RNF157: variants seen among roughly 807,000 people sequenced by gnomAD.
RNF157 encodes E3 ubiquitin ligase RNF157.
RNF157 carries 55 observed loss-of-function variants against 88.3 expected under a neutral mutation model. The observed-to-expected ratio is 0.62, with a 90% CI of 0.50 to 0.78. The LOEUF is 0.78. Among genes scored for constraint, RNF157 ranks in the 30% least tolerant of loss-of-function variants. The pLI is 0.00. For missense variants in RNF157, 788 were observed against 860.8 expected (o/e 0.92, Z 1.06); for synonymous variants, 334 against 341.2 (o/e 0.98, Z 0.23).
chr17:76,199,594 A>G (rs766312263), intron 2 of RNF157, among the ~76,000 whole-genome samples: 27 of 145,198 alleles, frequency 1.9e-4, no homozygotes, highest in Non-Finnish European at 3.3e-4. Context: ...AAAAAAAAAG[A>G]ACAGCTGGCA....
rs576388489 is a variant in RNF157, at chr17:76,207,464, T to A, written c.207+4900A>T. ...ATTGGCTTTGATGGATTATCCTAAG[T>A]GGTAGATCTGTGGTGCGAAGTACAG... On this transcript the variant is annotated intron_variant, in intron 2 of 18. Transcript: ENST00000269391. 3.3e-5 allele frequency among the ~76,000 whole-genome samples: 5 copies of A among 152,166 alleles called. No homozygotes were observed. The East Asian group carries it at 9.6e-4, about 29-fold the overall frequency.
intron 2 of RNF157, among the ~76,000 whole-genome samples, chr17:76,196,265 G>A (rs1482873717): frequency 6.6e-6 from 1 of 152,168 alleles, no homozygotes; most frequent in African/African-American, 2.4e-5. Flanking sequence ...TGAGTGAAAG[G>A]AGCCAGACAT....
intron 2 of RNF157, among the ~76,000 whole-genome samples, chr17:76,199,871 C>T (rs969113985): frequency 3.9e-5 from 6 of 152,132 alleles, no homozygotes; most frequent in Admixed American, 3.3e-4. Context: ...GAATAAAGTG[C>T]TTTTTGTAAG....
chr17:76,148,260 C>CTT (rs2068615819), intron 18 of RNF157, among the ~76,000 whole-genome samples: 2 of 137,036 alleles, frequency 1.5e-5, no homozygotes, highest in African/African-American at 5.6e-5. Flanking sequence ...ATTATCTTTG[C>CTT]CTTTTTTTTT....
At chr17:76,226,089 C>A (rs191918826) in intron 1 of RNF157, 1 of 1,601,964 alleles carries the variant, frequency 6.2e-7, no homozygotes, top group African/African-American at 1.3e-5. Flanking sequence ...TTTGGAGAGC[C>A]CCTGGTAGAG....
Position 76,157,584 on chromosome 17 carries a change from C to T in RNF157, c.1413+809G>A, listed in dbSNP as rs758580108. The stretch of plus-strand genomic sequence containing the variant: ...TTCCATCTCTGACACAGCAATTTAT[C>T]GTCTCTGTTTTGGGCATACTTCTTT... On this transcript the variant is annotated intron_variant, in intron 13 of 18. Transcript: ENST00000269391. The surrounding 1 kb of genome is among the most constrained non-coding windows in gnomAD (Gnocchi z 5.6). 3.3e-5 allele frequency among the ~76,000 whole-genome samples: 5 copies of T among 152,226 alleles called. No homozygotes were observed. Among genetic ancestry groups the T allele is most frequent in the African/African-American group, 4.8e-5 (2 of 41,446 alleles).
chr17:76,209,371 A>G (rs956776882), intron 2 of RNF157, among the ~76,000 whole-genome samples: 8 of 152,192 alleles, frequency 5.3e-5, no homozygotes, highest in African/African-American at 1.9e-4. Flanking sequence ...GTTGAACCTA[A>G]AGCAGCATTT....
intron 1 of RNF157, among the ~76,000 whole-genome samples, chr17:76,228,214 TG>T (rs1347755422): frequency 6.6e-6 from 1 of 152,230 alleles, no homozygotes; most frequent in Non-Finnish European, 1.5e-5. Flanking sequence ...CAACACAGAC[TG>T]AACAACGGTA....
chr17:76,222,085 G>A (rs1447403291), intron 1 of RNF157, among the ~76,000 whole-genome samples: 4 of 152,202 alleles, frequency 2.6e-5, no homozygotes, highest in South Asian at 2.1e-4. Context: ...GAGGCCGGGC[G>A]CAGTGGCGCA....
At chr17:76,155,823 C>G (rs1187542108) in intron 14 of RNF157, 89 bp from the exon 15 acceptor site, 43 of 1,201,586 alleles carry the variant, frequency 3.6e-5, no homozygotes, top group Non-Finnish European at 4.7e-5. Flanking sequence ...TCCCTGCATT[C>G]AGGCATTGAG....
At chr17:76,191,280 G>A (rs2069380191) in intron 2 of RNF157, among the ~76,000 whole-genome samples, 2 of 151,588 alleles carry the variant, frequency 1.3e-5, no homozygotes, top group Admixed American at 6.6e-5. Context: ...GTTCAAGATC[G>A]GTTAGGGCAA....
At chr17:76,170,580 T>C (rs2068997984) in intron 3 of RNF157, among the ~76,000 whole-genome samples, 1 of 152,112 alleles carries the variant, frequency 6.6e-6, no homozygotes, top group Admixed American at 6.5e-5. Flanking sequence ...GGCTGTGTGG[T>C]ACAAGGGAGA....
chr17:76,204,957 G>A (rs570417094), intron 2 of RNF157, among the ~76,000 whole-genome samples: 2 of 151,336 alleles, frequency 1.3e-5, no homozygotes, highest in East Asian at 3.9e-4. Context: ...GCTAATTTTT[G>A]TATTTTTAGT....
chr17:76,226,344 C>A (rs563909207), intron 1 of RNF157: 3 of 1,599,930 alleles, frequency 1.9e-6, no homozygotes, highest in South Asian at 2.2e-5. Context: ...GTGAAGGGGG[C>A]AACCTGGTCG....
chr17:76,157,310 G>C lies in RNF157; in HGVS notation c.1414-989C>G, dbSNP rs1030675248. On this transcript the variant is annotated intron_variant, in intron 13 of 18. Coordinates refer to ENST00000269391, the MANE Select transcript of RNF157 (RefSeq NM_052916.3). The surrounding 1 kb of genome is among the most constrained non-coding windows in gnomAD (Gnocchi z 5.6). ...CCTGGGCTACTGAAACCCTCTCCTGGCTGGGTCTGTCTCCCGTCTAGTCCA... is the reference window on the plus strand; with the variant it reads ...CCTGGGCTACTGAAACCCTCTCCTGCCTGGGTCTGTCTCCCGTCTAGTCCA... 1.3e-5 allele frequency among the ~76,000 whole-genome samples: 2 copies of C among 152,210 alleles called. No homozygotes were observed. The highest frequency in any genetic ancestry group is 2.9e-5 in the Non-Finnish European group (2 of 68,042).
At chr17:76,233,590 C>T (rs916102977) in intron 1 of RNF157, among the ~76,000 whole-genome samples, 11 of 152,044 alleles carry the variant, frequency 7.2e-5, no homozygotes, top group African/African-American at 2.7e-4. Flanking sequence ...CAGGCTGAAG[C>T]GCAGTGGCAC....
At position 76,155,695 on chromosome 17, in the gene RNF157, A is replaced by G. The variant is rs1216982275; in HGVS notation, c.1565T>C (p.Met522Thr). Residue 522 changes from methionine (M) to threonine (T), a missense_variant, in exon 15 of 19, where the codon ATG (methionine) becomes ACG (threonine). Met to Thr is a moderately conservative substitution (Grantham distance 81). Coordinates refer to ENST00000269391, the MANE Select transcript of RNF157 (RefSeq NM_052916.3). ...SSSLAQSVMS[M>T]ASSQISTDTV... is the part of the protein sequence containing the mutation. ...GTCAGTGCTGATCTGGGAGGATGCC[A>G]TGGACATGACAGACTGGGCCAAGCT... 1 of 1,608,884 alleles carries G rather than the reference A, an allele frequency of 6.2e-7. No individual in the cohort carries two copies. The highest frequency in any genetic ancestry group is 8.5e-7 in the Non-Finnish European group (1 of 1,177,702).
rs185690963 is a variant in RNF157, at chr17:76,232,276, T to C, written c.88+7877A>G. On this transcript the variant is annotated intron_variant, in intron 1 of 18. Coordinates refer to ENST00000269391, the MANE Select transcript of RNF157 (RefSeq NM_052916.3). ...GGTGGCATGTGCCTGTAGTCCCAGC[T>C]ACTTGGGAGGCTGAGGCTGGAGGAG... 2.5e-3 allele frequency among the ~76,000 whole-genome samples: 381 copies of C among 152,130 alleles called. 4 individuals carry two copies. The highest frequency in any genetic ancestry group is 8.8e-3 in the African/African-American group (366 of 41,490).
intron 8 of RNF157, 141 bp downstream of exon 8, chr17:76,164,604 CTTT>C (rs1439440401): frequency 2.2e-6 from 1 of 452,090 alleles, no homozygotes; most frequent in Non-Finnish European, 3.8e-6. Context: ...TTCTTTTCTT[CTTT>C]GATTAAAAAA....
Sources: allele counts gnomAD v4.1 joint callset (sites outside exome capture counted in the v4.1 genomes callset), GRCh38; gene constraint gnomAD v4.1.1; non-coding constraint Gnocchi (gnomAD v3.1); transcripts MANE v1.5; gene names NCBI Gene and HGNC (gene_info 2026-07-23, HGNC 2026-07-21).